The following PTPN4 variants were observed in gnomAD, a reference collection of about 807,000 sequenced individuals.
PTPN4 encodes the protein tyrosine-protein phosphatase non-receptor type 4.
A neutral mutation model predicts 135.5 loss-of-function variants in PTPN4; 49 were observed. That is an observed-to-expected ratio of 0.36 (90% confidence interval 0.29 to 0.46). PTPN4 has a LOEUF of 0.46. Ranked by LOEUF, PTPN4 falls within the 20% of genes least tolerant of loss-of-function variation. The pLI, the probability that PTPN4 is intolerant of heterozygous loss-of-function variation, is 1.00. For synonymous variants in PTPN4, 333 were observed against 369.9 expected (o/e 0.90, Z 1.14); for missense variants, 860 against 1,101.0 (o/e 0.78, Z 3.10).
chr2:119,820,876 TAC>T (rs989388689), intron 2 of PTPN4, among the ~76,000 whole-genome samples: 3 of 131,880 alleles, frequency 2.3e-5, no homozygotes, highest in Admixed American at 7.7e-5. Context: ...CAGCTTTACA[TAC>T]ACACATGTGT....
At chr2:119,848,670 G>A (rs1013816496) in intron 2 of PTPN4, among the ~76,000 whole-genome samples, 19 of 152,020 alleles carry the variant, frequency 1.2e-4, no homozygotes, top group East Asian at 5.8e-4. Context: ...ATGCAATCTC[G>A]GCTCACTGCC....
intron 18 of PTPN4, among the ~76,000 whole-genome samples, chr2:119,947,971 C>G (rs1352383853): frequency 4.6e-5 from 7 of 152,004 alleles, no homozygotes; most frequent in Non-Finnish European, 4.4e-5. Context: ...GATGTAAACC[C>G]TTAATAGACC....
chr2:119,801,585 T>C (rs1691369049), intron 1 of PTPN4, among the ~76,000 whole-genome samples: 1 of 152,160 alleles, frequency 6.6e-6, no homozygotes, highest in South Asian at 2.1e-4. Flanking sequence ...TTTATCAGCA[T>C]TTTGTAGTTT....
chr2:119,786,637 G>A (rs1691053337), intron 1 of PTPN4, among the ~76,000 whole-genome samples: 1 of 152,142 alleles, frequency 6.6e-6, no homozygotes, highest in African/African-American at 2.4e-5. Flanking sequence ...AGTATCCCCA[G>A]ACAAACCCAG....
At chr2:119,871,317 T>C (rs112054262) in intron 3 of PTPN4, among the ~76,000 whole-genome samples, 2 of 152,050 alleles carry the variant, frequency 1.3e-5, no homozygotes, top group African/African-American at 4.8e-5. Flanking sequence ...TTAAAAATTA[T>C]TGTATGGAAG....
At chr2:119,919,993 T>C (rs1316125391) in intron 11 of PTPN4, 76 bp from the exon 12 acceptor site, 2 of 1,503,850 alleles carry the variant, frequency 1.3e-6, no homozygotes, top group Non-Finnish European at 8.8e-7. Flanking sequence ...ATAATTTATC[T>C]GTCAAAAGTA....
At chr2:119,842,282 A>G (rs1344399745) in intron 2 of PTPN4, among the ~76,000 whole-genome samples, 1 of 152,216 alleles carries the variant, frequency 6.6e-6, no homozygotes, top group Non-Finnish European at 1.5e-5. Context: ...AGGCTCAATA[A>G]AAGTCTTCAA....
Position 119,760,170 on chromosome 2 carries a change from C to T in PTPN4, c.-232C>T, listed in dbSNP as rs1690452873. 2 of 393,944 alleles carry T rather than the reference C, an allele frequency of 5.1e-6. No homozygotes were observed. The highest frequency in any genetic ancestry group is 9.0e-6 in the Non-Finnish European group (2 of 223,210). 24.4% of individuals were successfully genotyped at this position (393,944 alleles called of 1,614,324 possible). A position where few individuals can be genotyped will look rare whatever the true frequency, so the allele number is the denominator to read the frequency against. On this transcript the variant is annotated 5_prime_UTR_variant, in exon 1 of 27. Transcript: ENST00000263708. ...GAGAGGTCGCCGGCTGCCCGCCTCC[C>T]TGCCACCTCCCCAGCGGCGCCGGCC... is the stretch of plus-strand genomic sequence containing the variant.
intron 2 of PTPN4, among the ~76,000 whole-genome samples, chr2:119,825,326 GT>G (rs1470418229): frequency 6.6e-6 from 1 of 152,040 alleles, no homozygotes; most frequent in East Asian, 1.9e-4. Flanking sequence ...AGTAATGTGT[GT>G]TTATTATGTC....
At chr2:119,934,518 CAA>C (rs1428951455) in intron 14 of PTPN4, among the ~76,000 whole-genome samples, 1 of 152,072 alleles carries the variant, frequency 6.6e-6, no homozygotes, top group Non-Finnish European at 1.5e-5. Context: ...CTGAGTAAGA[CAA>C]AATCATAGTG....
intron 2 of PTPN4, among the ~76,000 whole-genome samples, chr2:119,820,279 C>T (rs752606605): frequency 6.6e-6 from 1 of 152,196 alleles, no homozygotes; most frequent in African/African-American, 2.4e-5. Flanking sequence ...CATTTAATAG[C>T]ATGTCCATCT....
chr2:119,779,660 G>A (rs1322237159), intron 1 of PTPN4, among the ~76,000 whole-genome samples: 2 of 151,232 alleles, frequency 1.3e-5, no homozygotes, highest in African/African-American at 2.4e-5. Context: ...ATACTTTTTC[G>A]GTGGGTAATT....
chr2:119,849,067 T>G (rs1484894931), intron 2 of PTPN4, among the ~76,000 whole-genome samples: 1 of 152,224 alleles, frequency 6.6e-6, no homozygotes, highest in Non-Finnish European at 1.5e-5. Context: ...ATAATTTCTA[T>G]CTCTTTATAT....
At position 119,930,829 on chromosome 2, in the gene PTPN4, G is replaced by GT. The variant is rs533782080; in HGVS notation, c.1071-1582dup. On this transcript the variant is annotated intron_variant, in intron 13 of 26. Coordinates refer to ENST00000263708, the MANE Select transcript of PTPN4 (RefSeq NM_002830.4). ...TTGCTTTGTGCCTTCCTTGGTAATT[G>GT]TTTTTTTTTTTTTAGCCATACAGAA... Among the ~76,000 whole-genome samples, 863 of 138,340 alleles carry GT rather than the reference G, an allele frequency of 6.2e-3. 5 individuals carry two copies. Among genetic ancestry groups the GT allele is most frequent in the South Asian group, 0.021 (90 of 4,358 alleles). The allele number at this position is 138,340 out of a possible 152,430, so 90.8% of individuals were successfully genotyped here. A position where few individuals can be genotyped will look rare whatever the true frequency, so the allele number is the denominator to read the frequency against.
intron 1 of PTPN4, among the ~76,000 whole-genome samples, chr2:119,777,267 TG>T (rs1690853226): frequency 6.6e-6 from 1 of 152,232 alleles, no homozygotes; most frequent in South Asian, 2.1e-4. Context: ...AGTATGCACA[TG>T]GCTCACTCTT....
chr2:119,782,777 C>G (rs1690966423), intron 1 of PTPN4, among the ~76,000 whole-genome samples: 1 of 122,978 alleles, frequency 8.1e-6, no homozygotes, highest in South Asian at 3.0e-4. Flanking sequence ...ATGATGATGG[C>G]TCACTACAGC....
intron 22 of PTPN4, among the ~76,000 whole-genome samples, chr2:119,960,227 T>C (rs1166113284): frequency 2.0e-5 from 3 of 152,162 alleles, no homozygotes; most frequent in African/African-American, 7.2e-5. Context: ...TAAAAAAAAT[T>C]TAATCTCAAA....
chr2:119,945,134 C>T lies in PTPN4; in HGVS notation c.1409C>T (p.Ser470Leu), dbSNP rs1362447574. 3 of 1,605,738 alleles carry T rather than the reference C, an allele frequency of 1.9e-6. No homozygotes were observed. The Admixed American group carries it at 5.1e-5, about 27-fold the overall frequency. Residue 470 changes from serine to leucine, a missense_variant, in exon 16 of 27, where the codon TCA becomes TTA. Around this residue, in one of 2 missense-constraint regions of PTPN4, gnomAD observed 684 missense variants for 807.0 expected, o/e 0.85. Coordinates refer to ENST00000263708, the MANE Select transcript of PTPN4 (RefSeq NM_002830.4). ...GKPPALPPKQ[S>L]KKNSWNQIHY... ...CCTCCAGCTTTACCACCCAAACAGT[C>T]AAAGAAAAACAGTTGGAACCAAATT... is the stretch of plus-strand genomic sequence containing the variant.
chr2:119,769,303 G>T (rs1408590117), intron 1 of PTPN4, among the ~76,000 whole-genome samples: 2 of 152,182 alleles, frequency 1.3e-5, no homozygotes, highest in African/African-American at 4.8e-5. Context: ...TTGACTGTTG[G>T]AAAGTTATTG....
Sources: gnomAD v4.1 joint callset for allele counts (sites outside exome capture counted in the v4.1 genomes callset) on GRCh38, gnomAD v4.1.1 for gene constraint, gnomAD v4.1.1 regional missense constraint, MANE v1.5 for transcripts, NCBI Gene and HGNC (gene_info 2026-07-23, HGNC 2026-07-21) for gene names.